Variants in TLL2 observed in about 807,000 individuals in gnomAD.
TLL2 encodes the protein tolloid like 2, also known as tolloid-like protein 2.
Under a neutral mutation model 123.0 loss-of-function variants are expected in TLL2, and 106 were observed. The ratio of observed to expected loss-of-function variants is 0.86; its 90% CI spans 0.74 to 1.01. TLL2 has a LOEUF of 1.01. Among genes scored for constraint, TLL2 ranks in the 50% least tolerant of loss-of-function variants. The pLI, the probability that TLL2 is intolerant of heterozygous loss-of-function variation, is 0.00. For synonymous variants in TLL2, 494 were observed against 516.8 expected, an observed-to-expected ratio of 0.96 and a Z score of 0.60; for missense variants, 1,332 against 1,336.7, an observed-to-expected ratio of 1.00 and a Z score of 0.06.
At chr10:96,469,903 G>A (rs1454124996) in intron 2 of TLL2, among the ~76,000 whole-genome samples, 1 of 152,176 alleles carries the variant, frequency 6.6e-6, no homozygotes, top group Non-Finnish European at 1.5e-5. Context: ...AGGGAAGAGT[G>A]TGGGGAATGA....
chr10:96,481,958 T>C (rs1010182337), intron 1 of TLL2, among the ~76,000 whole-genome samples: 3 of 152,114 alleles, frequency 2.0e-5, no homozygotes, highest in African/African-American at 7.2e-5. Flanking sequence ...AACTGGAAGG[T>C]TCTCTAAAAA....
At position 96,422,695 on chromosome 10, in the gene TLL2, C is replaced by G; in HGVS notation, c.671G>C (p.Gly224Ala). ...CCSYVGRRGGGPQAISIGKNC... is the reference protein window; with the variant it reads ...CCSYVGRRGGAPQAISIGKNC... ...CTTCCCAATGGATATGGCCTGTGGG[C>G]CTCCTCCTCGGCGCCCAACATAGGA... The change falls in exon 6 of 21, where the codon GGC becomes GCC. Residue 224 changes from glycine to alanine, a missense_variant. Transcript: ENST00000357947. The G allele has an allele frequency of 6.2e-7, 1 of 1,614,208 alleles. No individual in the cohort carries two copies.
At chr10:96,406,865 T>C (rs931132428) in intron 9 of TLL2, among the ~76,000 whole-genome samples, 1 of 152,164 alleles carries the variant, frequency 6.6e-6, no homozygotes, top group Non-Finnish European at 1.5e-5. Flanking sequence ...TCATCCTTAC[T>C]GTTGATCCCC....
At chr10:96,495,526 T>C (rs1847463503) in intron 1 of TLL2, among the ~76,000 whole-genome samples, 1 of 152,152 alleles carries the variant, frequency 6.6e-6, no homozygotes, top group South Asian at 2.1e-4. Context: ...CTATGTTCTT[T>C]TGTAGTTCCA....
intron 4 of TLL2, among the ~76,000 whole-genome samples, chr10:96,432,424 T>C (rs920559164): frequency 1.3e-5 from 2 of 152,130 alleles, no homozygotes; most frequent in Admixed American, 1.3e-4. Context: ...AGGGGACCTC[T>C]GAGTCCAGGA....
intron 1 of TLL2, among the ~76,000 whole-genome samples, chr10:96,498,663 G>T (rs913539004): frequency 3.3e-5 from 5 of 152,224 alleles, no homozygotes; most frequent in African/African-American, 1.2e-4. Context: ...TCTGTCCAAT[G>T]AGATGAAGCA....
chr10:96,454,337 T>C (rs1846989992), intron 2 of TLL2, among the ~76,000 whole-genome samples: 1 of 152,226 alleles, frequency 6.6e-6, no homozygotes, highest in Admixed American at 6.5e-5. Context: ...CACTGGCTGA[T>C]GAAGTCTCAG....
At chr10:96,438,270 T>C (rs781103098) in intron 3 of TLL2, among the ~76,000 whole-genome samples, 5 of 152,194 alleles carry the variant, frequency 3.3e-5, no homozygotes, top group Non-Finnish European at 5.9e-5. Context: ...CTGATTTAGG[T>C]CTGTCTTGAT....
intron 10 of TLL2, among the ~76,000 whole-genome samples, chr10:96,398,985 C>T (rs1846366319): frequency 6.7e-6 from 1 of 149,704 alleles, no homozygotes; most frequent in South Asian, 2.1e-4. Flanking sequence ...GATTCTCCTG[C>T]CTCACCCTCC....
At chr10:96,379,713 G>T (rs10748675) in intron 16 of TLL2, among the ~76,000 whole-genome samples, 148,344 of 152,242 alleles carry the variant, frequency 0.97, 72,398 homozygotes, top group East Asian at 1. Flanking sequence ...TCCCAGCTAC[G>T]CGGGAGGCTG....
chr10:96,399,378 G>A (rs1846371856), intron 10 of TLL2, among the ~76,000 whole-genome samples: 1 of 152,212 alleles, frequency 6.6e-6, no homozygotes, highest in Admixed American at 6.5e-5. Flanking sequence ...CTATGAGCAG[G>A]TGAGGTTAGG....
chr10:96,432,777 C>A (rs914038984), intron 4 of TLL2, 30 bp downstream of exon 4: 2 of 1,605,742 alleles, frequency 1.2e-6, no homozygotes, highest in Non-Finnish European at 1.7e-6. Flanking sequence ...GCACCCTGAC[C>A]CAAAGCAGAC....
At chr10:96,495,873 T>TA (rs1330099202) in intron 1 of TLL2, among the ~76,000 whole-genome samples, 13 of 152,156 alleles carry the variant, frequency 8.5e-5, no homozygotes, top group African/African-American at 3.1e-4. Flanking sequence ...TGCTCAAGCA[T>TA]ACGGCAGAGA....
chr10:96,452,773 A>G (rs1222030212), intron 2 of TLL2, among the ~76,000 whole-genome samples: 1 of 152,252 alleles, frequency 6.6e-6, no homozygotes, highest in Non-Finnish European at 1.5e-5. Flanking sequence ...TGAATGAAAC[A>G]TCTGCACAAC....
rs142415394 is a variant in TLL2, at chr10:96,365,285, C to G, written c.*2803G>C. The G allele has an allele frequency of 3.1e-4, 47 of 152,334 alleles. No individual in the cohort carries two copies. Among genetic ancestry groups the G allele is most frequent in the African/African-American group, 1.0e-3 (42 of 41,580 alleles). The allele number at this position is 152,334 out of a possible 1,614,324, so 9.4% of individuals were successfully genotyped here. A position where few individuals can be genotyped will look rare whatever the true frequency, so the allele number is the denominator to read the frequency against. On this transcript the variant is annotated 3_prime_UTR_variant, in exon 21 of 21. Transcript: ENST00000357947. Reference sequence around the variant, plus strand: ...ACAGGTAAATACCTCTAAATATTTACCTTAGAGGAAAATAGAGGGAATAGT... The same window carrying G: ...ACAGGTAAATACCTCTAAATATTTAGCTTAGAGGAAAATAGAGGGAATAGT...
At chr10:96,458,138 G>T (rs908166045) in intron 2 of TLL2, among the ~76,000 whole-genome samples, 3 of 152,088 alleles carry the variant, frequency 2.0e-5, no homozygotes, top group African/African-American at 7.2e-5. Context: ...TGCTCGCCAG[G>T]CAGGAAACCA....
intron 10 of TLL2, among the ~76,000 whole-genome samples, chr10:96,401,354 C>T (rs530152531): frequency 6.6e-6 from 1 of 152,268 alleles, no homozygotes; most frequent in East Asian, 1.9e-4. Flanking sequence ...TGGCACTGAC[C>T]CCTCCCAGGG....
chr10:96,397,110 A>G (rs1589411474), intron 11 of TLL2, 76 bp downstream of exon 11: 2 of 1,345,538 alleles, frequency 1.5e-6, no homozygotes, highest in South Asian at 1.3e-5. Context: ...CTGGGCTGGG[A>G]GAGGGACAGT....
intron 16 of TLL2, among the ~76,000 whole-genome samples, chr10:96,380,291 C>A (rs2093558): frequency 0.55 from 83,743 of 151,878 alleles, 23,536 homozygotes; most frequent in East Asian, 0.82. Flanking sequence ...CTGCCATCAC[C>A]AGAATGACTT....
Sources: gnomAD v4.1 joint callset for allele counts (sites outside exome capture counted in the v4.1 genomes callset) on GRCh38, gnomAD v4.1.1 for gene constraint, MANE v1.5 for transcripts, NCBI Gene and HGNC (gene_info 2026-07-23, HGNC 2026-07-21) for gene names.